ADGRL3: variants seen among roughly 807,000 people sequenced by gnomAD.
ADGRL3 encodes calcium-independent alpha-latrotoxin receptor 3.
ADGRL3 carries 62 observed loss-of-function variants against 153.5 expected under a neutral mutation model. The ratio of observed to expected loss-of-function variants is 0.40; its 90% CI spans 0.33 to 0.50. The LOEUF (loss-of-function observed/expected upper bound fraction) is 0.50, where lower values mean the gene tolerates loss of function less well. ADGRL3 is among the 20% of genes least tolerant of loss of function. The probability of loss-of-function intolerance (pLI) is 0.47; values close to 1 mark genes in which losing one functional copy is unlikely to be tolerated. For synonymous variants in ADGRL3, 710 were observed against 672.5 expected (o/e 1.06, Z -0.86); for missense variants, 1,641 against 1,859.4 (o/e 0.88, Z 2.16).
chr4:61,914,304 T>G (rs1423370700), intron 13 of ADGRL3, among the ~76,000 whole-genome samples: 1 of 152,150 alleles, frequency 6.6e-6, no homozygotes, highest in Non-Finnish European at 1.5e-5. Context: ...AAGGAAAGAT[T>G]TCTTTTCCTG....
chr4:61,238,372 C>T (rs745960066), intron 1 of ADGRL3, among the ~76,000 whole-genome samples: 4 of 151,584 alleles, frequency 2.6e-5, no homozygotes, highest in Non-Finnish European at 2.9e-5. Flanking sequence ...GTTCTGTTTT[C>T]GAGGTTTATC....
At chr4:61,628,964 C>T (rs1246228622) in intron 5 of ADGRL3, among the ~76,000 whole-genome samples, 1 of 152,162 alleles carries the variant, frequency 6.6e-6, no homozygotes, top group African/African-American at 2.4e-5. Flanking sequence ...GCAAATACAG[C>T]TTCACTTGCA....
chr4:61,678,162 A>G (rs1394541807), intron 6 of ADGRL3, among the ~76,000 whole-genome samples: 1 of 151,978 alleles, frequency 6.6e-6, no homozygotes, highest in Non-Finnish European at 1.5e-5. Flanking sequence ...CACTAGTGAT[A>G]TTTTAAGGAA....
chr4:61,785,021 A>T (rs1450517209), intron 8 of ADGRL3, among the ~76,000 whole-genome samples: 1 of 152,182 alleles, frequency 6.6e-6, no homozygotes, highest in East Asian at 1.9e-4. Flanking sequence ...ACAATGAATG[A>T]CATGTAAGTG....
rs1228504596 is a variant in ADGRL3, at chr4:61,785,155, CA to C, written c.1400-28653del. Among the ~76,000 whole-genome samples, 8 of 152,022 alleles carry C rather than the reference CA, an allele frequency of 5.3e-5. No homozygotes were observed. The East Asian group carries it at 1.4e-3, about 26-fold the overall frequency. ...GTTAGGAGGGAGATTAAGAGAGAGA[CA>C]TAGAAGGTAGTTTGAAATATCTGAA... On this transcript the variant is annotated intron_variant, in intron 8 of 26. Transcript: ENST00000683033.
At chr4:61,912,625 T>A in intron 12 of ADGRL3, 94 bp from the exon 13 acceptor site, 1 of 1,090,184 alleles carries the variant, frequency 9.2e-7, no homozygotes, top group Non-Finnish European at 1.4e-6. Context: ...ATAAGGTGTT[T>A]TGTGTAGATG....
intron 1 of ADGRL3, among the ~76,000 whole-genome samples, chr4:61,279,981 A>ATGTACTC (rs1189818712): frequency 2.6e-5 from 4 of 152,128 alleles, no homozygotes; most frequent in East Asian, 1.9e-4. Flanking sequence ...ATACATAGGA[A>ATGTACTC]TGTACTCTGA....
At chr4:61,610,098 A>C (rs1345294098) in intron 5 of ADGRL3, among the ~76,000 whole-genome samples, 1 of 151,308 alleles carries the variant, frequency 6.6e-6, no homozygotes, top group African/African-American at 2.4e-5. Flanking sequence ...AGAATTAATT[A>C]TATTTTTATG....
rs957617347 is a variant in ADGRL3, at chr4:62,044,651, T to C, written c.3814+102T>C. The C allele has an allele frequency of 1.2e-5, 8 of 690,410 alleles. No individual in the cohort carries two copies. In the Admixed American group the frequency reaches 1.6e-4, roughly 14 times the overall value. 42.8% of individuals were successfully genotyped at this position (690,410 alleles called of 1,614,324 possible). A position where few individuals can be genotyped will look rare whatever the true frequency, so the allele number is the denominator to read the frequency against. ...CAACTTCTGAACCTGTTCCACATGA[T>C]AGAAACATTGTAAGAACATAAAACT... On this transcript the variant is annotated intron_variant, in intron 25 of 26. Transcript: ENST00000683033.
intron 2 of ADGRL3, among the ~76,000 whole-genome samples, chr4:61,400,005 A>G (rs532923409): frequency 1.1e-4 from 17 of 151,920 alleles, no homozygotes; most frequent in African/African-American, 4.1e-4. Flanking sequence ...TACCCCTGAG[A>G]CAATATAATT....
At chr4:62,007,405 T>TAC (rs1400297678) in intron 21 of ADGRL3, among the ~76,000 whole-genome samples, 6 of 78,802 alleles carry the variant, frequency 7.6e-5, no homozygotes, top group East Asian at 5.9e-4. Context: ...CATATATATA[T>TAC]ACACGTATAT....
At chr4:61,552,125 A>G (rs1203017158) in intron 4 of ADGRL3, among the ~76,000 whole-genome samples, 1 of 151,786 alleles carries the variant, frequency 6.6e-6, no homozygotes, top group Admixed American at 6.6e-5. Context: ...TGCCTAGGTA[A>G]CAGACCCAAT....
At chr4:61,973,228 A>C (rs1222749210) in intron 17 of ADGRL3, among the ~76,000 whole-genome samples, 1 of 151,992 alleles carries the variant, frequency 6.6e-6, no homozygotes, top group African/African-American at 2.4e-5. Context: ...TCATAAGGCA[A>C]AAGTCACATT....
chr4:61,467,466 T>G (rs1402514920), intron 2 of ADGRL3, among the ~76,000 whole-genome samples: 4 of 151,590 alleles, frequency 2.6e-5, no homozygotes, highest in African/African-American at 9.7e-5. Context: ...TGATTGCATT[T>G]CAGATGTGGG....
At chr4:61,344,729 G>A (rs548775242) in intron 1 of ADGRL3, among the ~76,000 whole-genome samples, 1 of 152,090 alleles carries the variant, frequency 6.6e-6, no homozygotes, top group South Asian at 2.1e-4. Flanking sequence ...TAGCTCTATA[G>A]ATTGCATACA....
chr4:61,774,627 A>T (rs1352372592), intron 8 of ADGRL3, among the ~76,000 whole-genome samples: 1 of 152,118 alleles, frequency 6.6e-6, no homozygotes, highest in Non-Finnish European at 1.5e-5. Flanking sequence ...AGGAACCAAT[A>T]CTATGTGGAT....
At position 61,434,644 on chromosome 4, in the gene ADGRL3, A is replaced by G. The variant is rs571152831; in HGVS notation, c.-174+51455A>G. On this transcript the variant is annotated intron_variant, in intron 2 of 26. Transcript: ENST00000683033. The stretch of plus-strand genomic sequence containing the variant: ...TGCTGACTATTTTTAAAATGTTCTC[A>G]AATTTCATTTGCAGTAATTTTGAAT... Among the ~76,000 whole-genome samples, 138 of 152,118 alleles carry G rather than the reference A, an allele frequency of 9.1e-4. 5 individuals are homozygous for G. In the South Asian group the frequency reaches 0.028, roughly 30 times the overall value.
chr4:61,884,345 C>G (rs2098525087), intron 9 of ADGRL3, among the ~76,000 whole-genome samples: 1 of 152,130 alleles, frequency 6.6e-6, no homozygotes, highest in African/African-American at 2.4e-5. Flanking sequence ...CTCTGTGCCT[C>G]AGTTATGCAT....
intron 1 of ADGRL3, among the ~76,000 whole-genome samples, chr4:61,338,029 C>T (rs192673237): frequency 6.6e-5 from 10 of 152,120 alleles, no homozygotes; most frequent in Admixed American, 4.6e-4. Context: ...CTTTGGGAGG[C>T]GGAGGCAGAC....
Sources: allele counts gnomAD v4.1 joint callset (sites outside exome capture counted in the v4.1 genomes callset), GRCh38; gene constraint gnomAD v4.1.1; transcripts MANE v1.5; gene names NCBI Gene and HGNC (gene_info 2026-07-23, HGNC 2026-07-21).